The following MED6 variants were observed in gnomAD, a reference collection of about 807,000 sequenced individuals.
The protein encoded by MED6 is mediator complex subunit 6.
MED6 carries 33 observed loss-of-function variants against 37.5 expected under a neutral mutation model. That is an observed-to-expected ratio of 0.88 (90% CI 0.67 to 1.18). The LOEUF (loss-of-function observed/expected upper bound fraction) is 1.18. Ranked by LOEUF, MED6 falls within the 50% of genes most tolerant of loss-of-function variation. The probability of loss-of-function intolerance (pLI) is 0.00; values close to 1 mark genes in which losing one functional copy is unlikely to be tolerated. For synonymous variants in MED6, 94 were observed against 93.6 expected, an observed-to-expected ratio of 1.00 and a Z score of -0.02; for missense variants, 235 against 290.6, an observed-to-expected ratio of 0.81 and a Z score of 1.39.
intron 1 of MED6, among the ~76,000 whole-genome samples, chr14:70,599,615 G>A (rs765886216): frequency 4.3e-4 from 65 of 152,162 alleles, no homozygotes; most frequent in South Asian, 8.3e-4. Flanking sequence ...CTACCCTCCA[G>A]CCACACTGAC....
chr14:70,584,848 T>C lies in MED6; in HGVS notation c.706A>G (p.Lys236Glu), dbSNP rs1296304750. 1 of 1,614,076 alleles carries C rather than the reference T, an allele frequency of 6.2e-7. No individual in the cohort carries two copies. Among genetic ancestry groups the C allele is most frequent in the Non-Finnish European group, 8.5e-7 (1 of 1,180,040 alleles). The change falls in exon 8 of 8, where the codon AAA becomes GAA. Residue 236 changes from lysine (K) to glutamate (E), a missense_variant. Transcript: ENST00000256379. The stretch of plus-strand genomic sequence containing the variant: ...CTCATCCGTTTTTCAGGGGGGCCTT[T>C]AGCACTCACTGTCTGTTGTACATTC... ...TKNVQQTVSAKGPPEKRMRLQ is the reference protein window; with the variant it reads ...TKNVQQTVSAEGPPEKRMRLQ
chr14:70,589,407 C>T (rs544587983), intron 6 of MED6, among the ~76,000 whole-genome samples: 1 of 152,168 alleles, frequency 6.6e-6, no homozygotes, highest in Non-Finnish European at 1.5e-5. Context: ...AAACTGACTA[C>T]ACCACTCCCT....
chr14:70,592,288 G>A (rs1884895516), intron 5 of MED6, among the ~76,000 whole-genome samples: 1 of 152,130 alleles, frequency 6.6e-6, no homozygotes, highest in East Asian at 1.9e-4. Context: ...AGCCACAAGA[G>A]GTGATGAGAT....
At chr14:70,586,603 G>GA (rs1242024863) in intron 6 of MED6, among the ~76,000 whole-genome samples, 1 of 152,080 alleles carries the variant, frequency 6.6e-6, no homozygotes, top group Non-Finnish European at 1.5e-5. Context: ...CATCTTAGAA[G>GA]AAAAAACAGT....
intron 1 of MED6, among the ~76,000 whole-genome samples, chr14:70,598,031 C>G (rs924414674): frequency 6.6e-6 from 1 of 152,102 alleles, no homozygotes; most frequent in Non-Finnish European, 1.5e-5. Context: ...TGCGGTGGCT[C>G]AGCCTGTAAT....
rs1884621492 is a variant in MED6, at chr14:70,583,956, A to C, written c.*857T>G. 2.3e-6 allele frequency: 1 copy of C among 441,096 alleles called. No homozygotes were observed. The highest frequency in any genetic ancestry group is 4.0e-6 in the Non-Finnish European group (1 of 250,982). 27.3% of individuals were successfully genotyped at this position (441,096 alleles called of 1,614,324 possible). Reference sequence around the variant, plus strand: ...TTCTCAGCCTCCATAACTTTAAAAAAAATAAAATTCCTTTTCTTTATTGAA... The same window carrying C: ...TTCTCAGCCTCCATAACTTTAAAAACAATAAAATTCCTTTTCTTTATTGAA... On this transcript the variant is annotated 3_prime_UTR_variant, in exon 8 of 8. Coordinates refer to ENST00000256379, the MANE Select transcript of MED6 (RefSeq NM_005466.4).
At chr14:70,597,843 T>TTGATG in intron 1 of MED6, 66 bp from the exon 2 acceptor site, 1 of 1,336,246 alleles carries the variant, frequency 7.5e-7, no homozygotes, top group Non-Finnish European at 1.0e-6. Flanking sequence ...CAACAAACAT[T>TTGATG]TATTATACAT....
chr14:70,599,372 G>T (rs1595056052), intron 1 of MED6, among the ~76,000 whole-genome samples: 1 of 152,106 alleles, frequency 6.6e-6, no homozygotes, highest in East Asian at 1.9e-4. Flanking sequence ...TACACAACAG[G>T]CCAGGAAATA....
chr14:70,597,890 A>G, intron 1 of MED6, 113 bp from the exon 2 acceptor site: 1 of 758,058 alleles, frequency 1.3e-6, no homozygotes, highest in South Asian at 2.8e-5. Context: ...AGGATGACAT[A>G]GATCCTAACC....
At position 70,593,309 on chromosome 14, in the gene MED6, A is replaced by G. The variant is rs756653798; in HGVS notation, c.344T>C (p.Ile115Thr). ...IYQAPDLGSV[I>T]NSRVLTAVHG... ...GAAGACACTTACCACTCTAGAGTTT[A>G]TAACTGATCCCAAGTCTGGTGCCTG... The change falls in exon 4 of 8, where the codon ATA becomes ACA. Residue 115 changes from isoleucine to threonine, a missense_variant. Coordinates refer to ENST00000256379, the MANE Select transcript of MED6 (RefSeq NM_005466.4). The G allele has an allele frequency of 1.1e-5, 17 of 1,613,516 alleles. No homozygotes were observed. The highest frequency in any genetic ancestry group is 1.4e-5 in the Non-Finnish European group (17 of 1,179,590).
At position 70,584,879 on chromosome 14, in the gene MED6, G is replaced by T; in HGVS notation, c.675C>A (p.Thr225=). The stretch of plus-strand genomic sequence containing the variant: ...TCACTGTCTGTTGTACATTCTTTGT[G>T]GTCTCCTTCTCCTCAGGTTTTACAG... ...PETVKPEEKE[T]TKNVQQTVSA... The change falls in exon 8 of 8, where the codon ACC becomes ACA. Residue 225 remains threonine, a synonymous_variant. Transcript: ENST00000256379. 1.2e-6 allele frequency: 2 copies of T among 1,613,880 alleles called. No individual in the cohort carries two copies. Among genetic ancestry groups the T allele is most frequent in the East Asian group, 2.2e-5 (1 of 44,884 alleles).
At position 70,593,215 on chromosome 14, in the gene MED6, AG is replaced by A. The variant is rs999725422; in HGVS notation, c.357+80del. 4 of 1,329,338 alleles carry A rather than the reference AG, an allele frequency of 3.0e-6. No homozygotes were observed. The African/African-American group carries it at 5.8e-5, about 19-fold the overall frequency. 82.3% of individuals were successfully genotyped at this position (1,329,338 alleles called of 1,614,324 possible). A position where few individuals can be genotyped will look rare whatever the true frequency, so the allele number is the denominator to read the frequency against. ...CTTTATAGCAACTTACACAAGGCAGAGGAGCTCTAGTTTGATTACTGGAAGC... is the reference window on the plus strand; with the variant it reads ...CTTTATAGCAACTTACACAAGGCAGAGAGCTCTAGTTTGATTACTGGAAGC... On this transcript the variant is annotated intron_variant, in intron 4 of 7. Coordinates refer to ENST00000256379, the MANE Select transcript of MED6 (RefSeq NM_005466.4).
chr14:70,598,001 T>C (rs1276454276), intron 1 of MED6, among the ~76,000 whole-genome samples: 47 of 152,052 alleles, frequency 3.1e-4, no homozygotes, highest in Admixed American at 3.1e-3. Flanking sequence ...CTACTAAAAA[T>C]ACAAAAAATT....
chr14:70,587,936 C>T (rs1045574792), intron 6 of MED6, among the ~76,000 whole-genome samples: 6 of 152,232 alleles, frequency 3.9e-5, no homozygotes, highest in Admixed American at 3.9e-4. Flanking sequence ...CAGGACTTCT[C>T]CAATATTCTC....
In MED6 at chr14:70,593,105, A is replaced by G. The variant is rs555816028; in HGVS notation, c.358-117T>C. 9.3e-5 allele frequency: 132 copies of G among 1,413,254 alleles called. 1 individual carries two copies. In the South Asian group the frequency reaches 1.1e-3, roughly 12 times the overall value. 87.5% of individuals were successfully genotyped at this position (1,413,254 alleles called of 1,614,324 possible). A position where few individuals can be genotyped will look rare whatever the true frequency, so the allele number is the denominator to read the frequency against. On this transcript the variant is annotated intron_variant, in intron 4 of 7. Coordinates refer to ENST00000256379, the MANE Select transcript of MED6 (RefSeq NM_005466.4). ...GAACCTATTTTTCAGAACCTAAATT[A>G]CTATATAATTGAGACTATGAAATAT...
In MED6 at chr14:70,598,504, C is replaced by T. The variant is rs61980461; in HGVS notation, c.23-727G>A. The stretch of plus-strand genomic sequence containing the variant: ...AAAAAAGACATGAAGAAATGTGTTA[C>T]GAGACTACAGAGGACCTGGGGAAAC... On this transcript the variant is annotated intron_variant, in intron 1 of 7. Transcript: ENST00000256379. 2.1e-3 allele frequency among the ~76,000 whole-genome samples: 312 copies of T among 151,860 alleles called. 2 individuals are homozygous for T. Among genetic ancestry groups the T allele is most frequent in the Non-Finnish European group, 3.1e-3 (212 of 67,952 alleles).
chr14:70,589,332 A>C (rs989017244), intron 6 of MED6, among the ~76,000 whole-genome samples: 1 of 152,124 alleles, frequency 6.6e-6, no homozygotes, highest in Non-Finnish European at 1.5e-5. Context: ...CCCTGACTCC[A>C]AACTTCACAT....
rs983978289 is a variant in MED6, at chr14:70,584,428, G to T, written c.*385C>A. On this transcript the variant is annotated 3_prime_UTR_variant, in exon 8 of 8. Transcript: ENST00000256379. ...CTCGCTCTGTCGCCCAAGCTGGAGT[G>T]CAACAGCATGATAATCAGCTCAGGG... The T allele has an allele frequency of 8.6e-6, 3 of 350,776 alleles. No homozygotes were observed. Among genetic ancestry groups the T allele is most frequent in the African/African-American group, 2.1e-5 (1 of 47,406 alleles). 21.7% of individuals were successfully genotyped at this position (350,776 alleles called of 1,614,324 possible).
rs1884780333 is a variant in MED6 at position 70,588,651 on chromosome 14, AC to A, written c.582+2614del. On this transcript the variant is annotated intron_variant, in intron 6 of 7. Coordinates refer to ENST00000256379, the MANE Select transcript of MED6 (RefSeq NM_005466.4). ...CAGTGAGCTGAGATCGTGCCACTGC[AC>A]TCCAGCCTGGGCGACAGAGTGAGAC... Among the ~76,000 whole-genome samples, 6 of 150,664 alleles carry A rather than the reference AC, an allele frequency of 4.0e-5. No individual in the cohort carries two copies. In the South Asian group the frequency reaches 1.3e-3, roughly 32 times the overall value.
Sources: gnomAD v4.1 joint callset for allele counts (sites outside exome capture counted in the v4.1 genomes callset) on GRCh38, gnomAD v4.1.1 for gene constraint, MANE v1.5 for transcripts, NCBI Gene and HGNC (gene_info 2026-07-23, HGNC 2026-07-21) for gene names.